The following FLI1 variants were observed in gnomAD, a reference collection of about 807,000 sequenced individuals.
FLI1 encodes Friend leukemia integration 1 transcription factor.
FLI1 carries 13 observed loss-of-function variants against 53.1 expected under a neutral mutation model. The ratio of observed to expected loss-of-function variants is 0.24; its 90% CI spans 0.16 to 0.39. FLI1 has a LOEUF of 0.39. Among genes scored for constraint, FLI1 ranks in the 10% least tolerant of loss-of-function variants. The pLI is 1.00. For synonymous variants in FLI1, 244 were observed against 236.7 expected, an observed-to-expected ratio of 1.03 and a Z score of -0.28; for missense variants, 424 against 600.5, an observed-to-expected ratio of 0.71 and a Z score of 3.07.
At chr11:128,800,887 G>A (rs117761783) in intron 5 of FLI1, among the ~76,000 whole-genome samples, 25 of 152,306 alleles carry the variant, frequency 1.6e-4, no homozygotes, top group African/African-American at 5.3e-4. Flanking sequence ...AGCTCTTTGG[G>A]TCACTCTTCT....
At chr11:128,715,986 G>T (rs1938994078) in intron 1 of FLI1, among the ~76,000 whole-genome samples, 1 of 152,240 alleles carries the variant, frequency 6.6e-6, no homozygotes. Context: ...AGGGAGAGCT[G>T]CCAAGCTGCC....
At chr11:128,748,735 T>C (rs535587343) in intron 1 of FLI1, among the ~76,000 whole-genome samples, 10 of 151,918 alleles carry the variant, frequency 6.6e-5, no homozygotes, top group African/African-American at 2.4e-4. Context: ...GACGGCAAAG[T>C]GGAAACGGTT....
chr11:128,742,539 CAT>C (rs1036496393), intron 1 of FLI1, among the ~76,000 whole-genome samples: 9 of 152,234 alleles, frequency 5.9e-5, no homozygotes, highest in Admixed American at 5.9e-4. Context: ...CCACTCATAA[CAT>C]GTGGCTTTTT....
chr11:128,779,314 C>A (rs536820072), intron 4 of FLI1, among the ~76,000 whole-genome samples: 3 of 152,330 alleles, frequency 2.0e-5, no homozygotes, highest in Admixed American at 2.0e-4. Flanking sequence ...AGGGAGAGAA[C>A]GTCAGGGACG....
At chr11:128,704,989 T>C (rs541483966) in intron 1 of FLI1, among the ~76,000 whole-genome samples, 4 of 152,326 alleles carry the variant, frequency 2.6e-5, no homozygotes, top group Admixed American at 1.3e-4. Flanking sequence ...TTTGAAGAGA[T>C]TGGGTAAGTT....
At chr11:128,764,150 G>A (rs191043017) in intron 2 of FLI1, among the ~76,000 whole-genome samples, 134 of 152,354 alleles carry the variant, frequency 8.8e-4, no homozygotes, top group African/African-American at 3.2e-3. Flanking sequence ...TGACTAGGAA[G>A]GTAGAGAAGA....
chr11:128,726,335 T>C (rs1939476538), intron 1 of FLI1, among the ~76,000 whole-genome samples: 1 of 152,080 alleles, frequency 6.6e-6, no homozygotes, highest in Non-Finnish European at 1.5e-5. Context: ...AGTTTCAACC[T>C]ACAACTCAAT....
intron 1 of FLI1, among the ~76,000 whole-genome samples, chr11:128,737,757 G>A (rs1451386293): frequency 6.6e-6 from 1 of 152,086 alleles, no homozygotes; most frequent in Admixed American, 6.5e-5. Context: ...TGTTCTTTTG[G>A]GCTCAGTTCC....
At chr11:128,805,498 T>C in intron 6 of FLI1, 67 bp downstream of exon 6, 1 of 1,005,514 alleles carries the variant, frequency 9.9e-7, no homozygotes, top group Non-Finnish European at 1.5e-6. Context: ...GAGAACAGGA[T>C]CATGAGACAC....
intron 5 of FLI1, among the ~76,000 whole-genome samples, chr11:128,790,263 T>TTG: frequency 6.6e-6 from 1 of 151,554 alleles, no homozygotes; most frequent in South Asian, 2.1e-4. Flanking sequence ...ATTTTTTTTT[T>TTG]TTTCCACGAG....
At chr11:128,792,337 C>A (rs1364870736) in intron 5 of FLI1, among the ~76,000 whole-genome samples, 1 of 152,190 alleles carries the variant, frequency 6.6e-6, no homozygotes, top group Non-Finnish European at 1.5e-5. Flanking sequence ...TCTATTGACT[C>A]CTGCTACCAT....
chr11:128,728,927 G>C (rs1383511453), intron 1 of FLI1, among the ~76,000 whole-genome samples: 1 of 152,240 alleles, frequency 6.6e-6, no homozygotes, highest in African/African-American at 2.4e-5. Flanking sequence ...CCAACCGCCA[G>C]AGACACACCC....
At position 128,768,198 on chromosome 11, in the gene FLI1, G is replaced by T; in HGVS notation, c.311G>T (p.Ser104Ile). The T allele has an allele frequency of 6.2e-7, 1 of 1,613,892 alleles. No homozygotes were observed. Residue 104 changes from serine (S) to isoleucine (I), a missense_variant, in exon 3 of 9, where the codon AGC becomes ATC. Transcript: ENST00000527786. ...GAGTCCAACCCCATGAACTACAACA[G>T]CTATATGGACGAGAAGAATGGCCCC... Reference protein sequence around the residue: ...GGESNPMNYNSYMDEKNGPPP... With the variant: ...GGESNPMNYNIYMDEKNGPPP...
At chr11:128,803,164 C>T (rs1188282284) in intron 5 of FLI1, among the ~76,000 whole-genome samples, 1 of 152,180 alleles carries the variant, frequency 6.6e-6, no homozygotes, top group Non-Finnish European at 1.5e-5. Context: ...GAATGTGTTA[C>T]TTCTCTTCTA....
intron 1 of FLI1, among the ~76,000 whole-genome samples, chr11:128,741,443 T>A (rs940110737): frequency 1.3e-5 from 2 of 152,150 alleles, no homozygotes; most frequent in African/African-American, 4.8e-5. Context: ...CTGCCTACGG[T>A]GACTCTTCAG....
chr11:128,703,929 G>C (rs1350249705), intron 1 of FLI1, among the ~76,000 whole-genome samples: 1 of 149,838 alleles, frequency 6.7e-6, no homozygotes, highest in Non-Finnish European at 1.5e-5. Context: ...ATTTTATCCT[G>C]AATGTGCTGG....
intron 2 of FLI1, among the ~76,000 whole-genome samples, chr11:128,762,294 A>G (rs776679396): frequency 1.1e-4 from 17 of 152,212 alleles, no homozygotes; most frequent in Non-Finnish European, 2.2e-4. Context: ...ACACAAAAAG[A>G]TAGGAGAGGA....
chr11:128,704,503 G>A (rs971821760), intron 1 of FLI1, among the ~76,000 whole-genome samples: 2 of 152,146 alleles, frequency 1.3e-5, no homozygotes, highest in East Asian at 1.9e-4. Context: ...GGCTCCAAGC[G>A]TCTTTCCCGT....
intron 1 of FLI1, among the ~76,000 whole-genome samples, chr11:128,750,680 G>C (rs1940606411): frequency 6.6e-6 from 1 of 152,156 alleles, no homozygotes; most frequent in Non-Finnish European, 1.5e-5. Flanking sequence ...ATATCGGCCA[G>C]GCCACTGTGC....
Sources: allele counts gnomAD v4.1 joint callset (sites outside exome capture counted in the v4.1 genomes callset), GRCh38; gene constraint gnomAD v4.1.1; transcripts MANE v1.5; gene names NCBI Gene and HGNC (gene_info 2026-07-23, HGNC 2026-07-21).